Variants in ISOC1 observed in about 807,000 individuals in gnomAD.
ISOC1 encodes the protein isochorismatase domain containing 1.
In ISOC1, 33 loss-of-function variants were observed where a neutral mutation model predicts 30.0. The ratio of observed to expected loss-of-function variants is 1.10; its 90% CI spans 0.83 to 1.47. The LOEUF (loss-of-function observed/expected upper bound fraction) is 1.47, where lower values mean the gene tolerates loss of function less well. Among genes scored for constraint, ISOC1 ranks in the 40% most tolerant of loss-of-function variants. The pLI, the probability that ISOC1 is intolerant of heterozygous loss-of-function variation, is 0.00. For synonymous variants in ISOC1, 178 were observed against 159.8 expected (o/e 1.11, Z -0.86); for missense variants, 372 against 388.0 (o/e 0.96, Z 0.35).
At chr5:129,110,769 T>G (rs897379542) in intron 4 of ISOC1, among the ~76,000 whole-genome samples, 1 of 152,162 alleles carries the variant, frequency 6.6e-6, no homozygotes, top group Non-Finnish European at 1.5e-5. Context: ...TCCTTAGACC[T>G]GGGAACAGAT....
intron 1 of ISOC1, among the ~76,000 whole-genome samples, chr5:129,099,991 G>T (rs981346132): frequency 2.6e-5 from 4 of 152,140 alleles, no homozygotes; most frequent in Non-Finnish European, 5.9e-5. Context: ...CTATAAAGGG[G>T]ATCTTTGTAA....
At chr5:129,099,751 T>G (rs2150170372) in intron 1 of ISOC1, among the ~76,000 whole-genome samples, 1 of 152,346 alleles carries the variant, frequency 6.6e-6, no homozygotes, top group South Asian at 2.1e-4. Flanking sequence ...TGCTAAGTTT[T>G]AGAGTGTAGT....
chr5:129,109,057 A>G (rs1457586165), intron 4 of ISOC1, among the ~76,000 whole-genome samples: 3 of 152,184 alleles, frequency 2.0e-5, no homozygotes, highest in African/African-American at 4.8e-5. Flanking sequence ...TTTCTCCTAC[A>G]TTCATATTTT....
At chr5:129,098,459 C>T (rs547265215) in intron 1 of ISOC1, among the ~76,000 whole-genome samples, 20 of 152,202 alleles carry the variant, frequency 1.3e-4, no homozygotes, top group African/African-American at 4.3e-4. Context: ...TGGGGATTTA[C>T]GTCATTTTTA....
At chr5:129,104,000 G>A (rs916878715) in intron 1 of ISOC1, among the ~76,000 whole-genome samples, 3 of 152,182 alleles carry the variant, frequency 2.0e-5, no homozygotes, top group African/African-American at 4.8e-5. Flanking sequence ...TTGCTTTTTG[G>A]TGGATCCATA....
intron 1 of ISOC1, among the ~76,000 whole-genome samples, chr5:129,095,975 T>G (rs947280163): frequency 1.3e-5 from 2 of 152,220 alleles, no homozygotes; most frequent in Admixed American, 6.5e-5. Context: ...GAGAAACTGA[T>G]AAGTCATTTT....
rs1753732571 is a variant in ISOC1, at chr5:129,113,116, G to A, written c.*115G>A. 1 of 1,040,206 alleles carries A rather than the reference G, an allele frequency of 9.6e-7. No homozygotes were observed. The highest frequency in any genetic ancestry group is 1.3e-6 in the Non-Finnish European group (1 of 750,926). The allele number at this position is 1,040,206 out of a possible 1,614,324, so 64.4% of individuals were successfully genotyped here. On this transcript the variant is annotated 3_prime_UTR_variant, in exon 5 of 5. Coordinates refer to ENST00000173527, the MANE Select transcript of ISOC1 (RefSeq NM_016048.2). ...GAATTAAAATGTTAAGTCAAAAACG[G>A]CTCCTTTTTTGCGCCTCCTAGTGAA...
At chr5:129,098,802 G>A (rs1161478264) in intron 1 of ISOC1, among the ~76,000 whole-genome samples, 2 of 152,126 alleles carry the variant, frequency 1.3e-5, no homozygotes, top group East Asian at 3.9e-4. Context: ...CATTTTCTTG[G>A]AAGTTTATTA....
intron 1 of ISOC1, among the ~76,000 whole-genome samples, chr5:129,101,192 A>AAATATATATAT (rs1554064627): frequency 9.7e-4 from 41 of 42,176 alleles, no homozygotes; most frequent in East Asian, 2.5e-3. Flanking sequence ...AAAAAAAAAA[A>AAATATATATAT]ATATATATAT....
rs1753740650 is a variant in ISOC1, at chr5:129,113,821, C to G, written c.*820C>G. The G allele has an allele frequency of 6.6e-6, 1 of 152,028 alleles. No individual in the cohort carries two copies. The highest frequency in any genetic ancestry group is 2.1e-4 in the South Asian group (1 of 4,832). The allele number at this position is 152,028 out of a possible 1,614,324, so 9.4% of individuals were successfully genotyped here. A position where few individuals can be genotyped will look rare whatever the true frequency, so the allele number is the denominator to read the frequency against. On this transcript the variant is annotated 3_prime_UTR_variant, in exon 5 of 5. Coordinates refer to ENST00000173527, the MANE Select transcript of ISOC1 (RefSeq NM_016048.2). ...GGGTGGAATATCATTTTAAAATGTT[C>G]ATGTTCTGTTCTATATTTTCTTCAC...
At chr5:129,102,557 A>G (rs937480066) in intron 1 of ISOC1, among the ~76,000 whole-genome samples, 3 of 152,184 alleles carry the variant, frequency 2.0e-5, no homozygotes, top group African/African-American at 7.2e-5. Flanking sequence ...TCTTTTAAAC[A>G]CCTCAACTTA....
rs766202769 is a variant in ISOC1, at chr5:129,112,889, G to T, written c.785G>T (p.Ser262Ile). 1 of 1,613,802 alleles carries T rather than the reference G, an allele frequency of 6.2e-7. No individual in the cohort carries two copies. The highest frequency in any genetic ancestry group is 8.5e-7 in the Non-Finnish European group (1 of 1,179,806). Residue 262 changes from serine (S) to isoleucine (I), a missense_variant, in exon 5 of 5, where the codon AGT becomes ATT. By Grantham distance (142) the Ser-to-Ile change is moderately radical. Transcript: ENST00000173527. The stretch of plus-strand genomic sequence containing the variant: ...CGAACCGGGATCATAGTGACCACGA[G>T]TGAGGCTGTTCTGCTTCAGCTGGTA... ...LARTGIIVTTSEAVLLQLVAD... is the reference protein window; with the variant it reads ...LARTGIIVTTIEAVLLQLVAD...
chr5:129,113,224 T>A lies in ISOC1; in HGVS notation c.*223T>A. 2.5e-6 allele frequency: 1 copy of A among 400,190 alleles called. No individual in the cohort carries two copies. The highest frequency in any genetic ancestry group is 4.1e-5 in the Admixed American group (1 of 24,458). 24.8% of individuals were successfully genotyped at this position (400,190 alleles called of 1,614,324 possible). On this transcript the variant is annotated 3_prime_UTR_variant, in exon 5 of 5. Transcript: ENST00000173527. Reference sequence around the variant, plus strand: ...CGGTGCTGCTTACCTTCCTTTTTTGTTAATGTGCTTTTATTTATTAAAAAA... The same window carrying A: ...CGGTGCTGCTTACCTTCCTTTTTTGATAATGTGCTTTTATTTATTAAAAAA...
In ISOC1 at chr5:129,094,792, T is replaced by C. The variant is rs1753470225; in HGVS notation, c.26T>C (p.Leu9Pro). 6.6e-7 allele frequency: 1 copy of C among 1,522,696 alleles called. No homozygotes were observed. Among genetic ancestry groups the C allele is most frequent in the Non-Finnish European group, 8.8e-7 (1 of 1,140,418 alleles). The allele number at this position is 1,522,696 out of a possible 1,614,324, so 94.3% of individuals were successfully genotyped here. ...ATGGCGGCTGCGGAGCCGGCGGTCC[T>C]TGCGCTCCCCAACAGCGGCGCCGGG... is the stretch of plus-strand genomic sequence containing the variant. MAAAEPAV[L>P]ALPNSGAGGA... is the part of the protein sequence containing the mutation. The change falls in exon 1 of 5, where the codon CTT becomes CCT. Residue 9 changes from leucine (L) to proline (P), a missense_variant. Leu to Pro is a moderately conservative substitution (Grantham distance 98). Transcript: ENST00000173527.
intron 4 of ISOC1, among the ~76,000 whole-genome samples, chr5:129,109,720 G>A (rs1014855037): frequency 2.0e-5 from 3 of 152,118 alleles, no homozygotes; most frequent in African/African-American, 4.8e-5. Flanking sequence ...GATTTGATAC[G>A]GAGGCGATAT....
Position 129,113,108 on chromosome 5 carries a change from C to G in ISOC1, c.*107C>G. The G allele has an allele frequency of 9.7e-7, 1 of 1,027,216 alleles. No homozygotes were observed. The allele number at this position is 1,027,216 out of a possible 1,614,324, so 63.6% of individuals were successfully genotyped here. A position where few individuals can be genotyped will look rare whatever the true frequency, so the allele number is the denominator to read the frequency against. ...CTCTACTAGAATTAAAATGTTAAGT[C>G]AAAAACGGCTCCTTTTTTGCGCCTC... On this transcript the variant is annotated 3_prime_UTR_variant, in exon 5 of 5. Coordinates refer to ENST00000173527, the MANE Select transcript of ISOC1 (RefSeq NM_016048.2).
chr5:129,108,642 G>C (rs890898658), intron 4 of ISOC1, among the ~76,000 whole-genome samples: 3 of 151,982 alleles, frequency 2.0e-5, no homozygotes, highest in African/African-American at 7.3e-5. Flanking sequence ...CTCCCGAGTA[G>C]CTGGGATTGT....
intron 1 of ISOC1, among the ~76,000 whole-genome samples, chr5:129,102,311 GTTTC>G (rs1309831912): frequency 6.6e-6 from 1 of 152,078 alleles, no homozygotes; most frequent in Non-Finnish European, 1.5e-5. Context: ...ATTCTCTATG[GTTTC>G]TTTGTTTACT....
Position 129,094,791 on chromosome 5 carries a change from C to T in ISOC1, c.25C>T (p.Leu9Phe). 3.9e-6 allele frequency: 6 copies of T among 1,521,944 alleles called. No homozygotes were observed. The highest frequency in any genetic ancestry group is 2.4e-5 in the South Asian group (2 of 81,984). 94.3% of individuals were successfully genotyped at this position (1,521,944 alleles called of 1,614,324 possible). Residue 9 changes from leucine to phenylalanine, a missense_variant, in exon 1 of 5, where the codon CTT becomes TTT. Coordinates refer to ENST00000173527, the MANE Select transcript of ISOC1 (RefSeq NM_016048.2). ...CATGGCGGCTGCGGAGCCGGCGGTC[C>T]TTGCGCTCCCCAACAGCGGCGCCGG... is the stretch of plus-strand genomic sequence containing the variant. Reference protein sequence around the residue: MAAAEPAVLALPNSGAGGA... With the variant: MAAAEPAVFALPNSGAGGA...
Sources: gnomAD v4.1 joint callset for allele counts (sites outside exome capture counted in the v4.1 genomes callset) on GRCh38, gnomAD v4.1.1 for gene constraint, MANE v1.5 for transcripts, NCBI Gene and HGNC (gene_info 2026-07-23, HGNC 2026-07-21) for gene names.